Variants in SAMD4A observed in about 807,000 individuals in gnomAD.
SAMD4A encodes the protein sterile alpha motif domain containing 4A.
SAMD4A carries 33 observed loss-of-function variants against 81.3 expected under a neutral mutation model. The observed-to-expected ratio is 0.41, with a 90% confidence interval of 0.31 to 0.54. The LOEUF (loss-of-function observed/expected upper bound fraction) is 0.54. Ranked by LOEUF, SAMD4A falls within the 20% of genes least tolerant of loss-of-function variation. The pLI, the probability that SAMD4A is intolerant of heterozygous loss-of-function variation, is 0.37. For missense variants in SAMD4A, 854 were observed against 951.1 expected, an observed-to-expected ratio of 0.90 and a Z score of 1.34; for synonymous variants, 389 against 382.1, an observed-to-expected ratio of 1.02 and a Z score of -0.21.
intron 2 of SAMD4A, among the ~76,000 whole-genome samples, chr14:54,594,516 T>G (rs981156045): frequency 1.4e-4 from 21 of 152,230 alleles, no homozygotes; most frequent in African/African-American, 5.1e-4. Flanking sequence ...CAGTTTCTCC[T>G]GGCTAGAAGT....
chr14:54,776,327 C>T, intron 10 of SAMD4A, 87 bp from the exon 11 acceptor site: 1 of 1,418,078 alleles, frequency 7.1e-7, no homozygotes. Flanking sequence ...CTCCTGGGAT[C>T]TTTGCCTCCC....
intron 2 of SAMD4A, among the ~76,000 whole-genome samples, chr14:54,690,327 T>C (rs1051080737): frequency 3.3e-5 from 5 of 152,082 alleles, no homozygotes; most frequent in South Asian, 2.1e-4. Context: ...CCAAGACATA[T>C]CTACAGCAGA....
chr14:54,639,504 A>G (rs985066823), intron 2 of SAMD4A, among the ~76,000 whole-genome samples: 3 of 152,162 alleles, frequency 2.0e-5, no homozygotes, highest in Non-Finnish European at 4.4e-5. Context: ...CAGCCTCACA[A>G]GTGGGGGCCA....
intron 2 of SAMD4A, among the ~76,000 whole-genome samples, chr14:54,656,831 T>C (rs1294814743): frequency 6.6e-6 from 1 of 152,080 alleles, no homozygotes; most frequent in Non-Finnish European, 1.5e-5. Context: ...ATGGTCTCGA[T>C]CTCCTGACCT....
intron 2 of SAMD4A, among the ~76,000 whole-genome samples, chr14:54,629,680 G>A (rs981288695): frequency 6.6e-6 from 1 of 151,538 alleles, no homozygotes; most frequent in Admixed American, 6.6e-5. Flanking sequence ...TTTCAATTGC[G>A]GTAAAATACA....
chr14:54,608,015 C>CAAAA (rs765121682), intron 2 of SAMD4A, among the ~76,000 whole-genome samples: 629 of 60,608 alleles, frequency 0.01, 5 homozygotes, highest in African/African-American at 0.034. Context: ...GACTCCGTCT[C>CAAAA]AAAAAAAAAA....
In SAMD4A at chr14:54,568,047, G is replaced by C; in HGVS notation, c.131G>C (p.Cys44Ser). 6.3e-7 allele frequency: 1 copy of C among 1,598,444 alleles called. No homozygotes were observed. Among genetic ancestry groups the C allele is most frequent in the South Asian group, 1.1e-5 (1 of 89,962 alleles). ...ACCCAGGCCCGCTTCCTCCAGCTCT[G>C]CCTGGAGCACTCGCTGGCCGACTGC... Reference protein sequence around the residue: ...SQTQARFLQLCLEHSLADCAE... With the variant: ...SQTQARFLQLSLEHSLADCAE... Residue 44 changes from cysteine (C) to serine (S), a missense_variant, in exon 2 of 13, where the codon TGC becomes TCC. By Grantham distance (112) the Cys-to-Ser change is moderately radical. Transcript: ENST00000554335.
chr14:54,662,638 C>G (rs995349463), intron 2 of SAMD4A, among the ~76,000 whole-genome samples: 1 of 151,960 alleles, frequency 6.6e-6, no homozygotes, highest in East Asian at 1.9e-4. Context: ...TGTTCTTGAA[C>G]TCCTGACCTC....
chr14:54,641,051 C>T (rs900396739), intron 2 of SAMD4A, among the ~76,000 whole-genome samples: 3 of 152,178 alleles, frequency 2.0e-5, no homozygotes, highest in Non-Finnish European at 4.4e-5. Flanking sequence ...GCTGTTCCTC[C>T]TTAATGCCTT....
intron 2 of SAMD4A, among the ~76,000 whole-genome samples, chr14:54,666,592 C>T (rs1053406450): frequency 2.6e-5 from 4 of 152,152 alleles, no homozygotes; most frequent in Non-Finnish European, 5.9e-5. Flanking sequence ...ATTGTTTTTG[C>T]TTATCCTGGC....
chr14:54,739,114 G>A (rs2037783426), intron 4 of SAMD4A, among the ~76,000 whole-genome samples: 1 of 128,914 alleles, frequency 7.8e-6, no homozygotes, highest in Non-Finnish European at 1.5e-5. Flanking sequence ...CCCAAAGTAG[G>A]TCAAGGTATG....
intron 3 of SAMD4A, among the ~76,000 whole-genome samples, chr14:54,734,176 A>G (rs2037631892): frequency 1.3e-5 from 2 of 152,266 alleles, no homozygotes; most frequent in Admixed American, 1.3e-4. Flanking sequence ...TCTCCTTCCC[A>G]CAAGAATACA....
chr14:54,651,033 T>C (rs1243013255), intron 2 of SAMD4A, among the ~76,000 whole-genome samples: 1 of 152,244 alleles, frequency 6.6e-6, no homozygotes. Flanking sequence ...TGGTCTGCAG[T>C]GACCCTTGCC....
intron 2 of SAMD4A, among the ~76,000 whole-genome samples, chr14:54,588,278 G>C (rs1435199611): frequency 7.3e-5 from 11 of 151,304 alleles, no homozygotes; most frequent in Admixed American, 5.9e-4. Flanking sequence ...CTCTCTTCTT[G>C]GTTAATCTCG....
At chr14:54,613,194 A>G (rs60837271) in intron 2 of SAMD4A, among the ~76,000 whole-genome samples, 40,792 of 151,488 alleles carry the variant, frequency 0.27, 5,717 homozygotes, top group East Asian at 0.4. Flanking sequence ...AGAAGGAAGG[A>G]AAGGGAAGGA....
chr14:54,647,766 T>C (rs1306111566), intron 2 of SAMD4A, among the ~76,000 whole-genome samples: 1 of 152,212 alleles, frequency 6.6e-6, no homozygotes, highest in African/African-American at 2.4e-5. Context: ...AAAAATCAGG[T>C]TCAAAGGGCT....
chr14:54,662,165 T>C (rs2035655822), intron 2 of SAMD4A, among the ~76,000 whole-genome samples: 2 of 152,172 alleles, frequency 1.3e-5, no homozygotes, highest in South Asian at 4.1e-4. Flanking sequence ...TTTGATCGCT[T>C]AGTTACAGAT....
chr14:54,791,426 A>G lies in SAMD4A; in HGVS notation c.*2482A>G, dbSNP rs1380194162. On this transcript the variant is annotated 3_prime_UTR_variant, in exon 13 of 13. Transcript: ENST00000554335. ...TTTAAAAGGAAGAAGACCTTAAAGT[A>G]TCTGCAAATCTGAATTTCTATTTAT... 1 of 152,264 alleles carries G rather than the reference A, an allele frequency of 6.6e-6. No individual in the cohort carries two copies. Among genetic ancestry groups the G allele is most frequent in the African/African-American group, 2.4e-5 (1 of 41,474 alleles). 9.4% of individuals were successfully genotyped at this position (152,264 alleles called of 1,614,324 possible). A position where few individuals can be genotyped will look rare whatever the true frequency, so the allele number is the denominator to read the frequency against.
At chr14:54,744,863 C>A (rs2037929072) in intron 4 of SAMD4A, among the ~76,000 whole-genome samples, 1 of 152,168 alleles carries the variant, frequency 6.6e-6, no homozygotes, top group Admixed American at 6.5e-5. Flanking sequence ...TTGACTTCTC[C>A]CCTTGTATGA....
Sources: gnomAD v4.1 joint callset for allele counts (sites outside exome capture counted in the v4.1 genomes callset) on GRCh38, gnomAD v4.1.1 for gene constraint, MANE v1.5 for transcripts, NCBI Gene and HGNC (gene_info 2026-07-23, HGNC 2026-07-21) for gene names.